NSMCE2: variants seen among roughly 807,000 people sequenced by gnomAD.
The protein encoded by NSMCE2 is NSE2 SUMO ligase component of SMC5/6 complex, also known as E3 SUMO-protein ligase NSE2.
NSMCE2 carries 24 observed loss-of-function variants against 23.8 expected under a neutral mutation model. The ratio of observed to expected loss-of-function variants is 1.01; its 90% confidence interval spans 0.73 to 1.42. NSMCE2 has a LOEUF of 1.42. NSMCE2 is among the 40% of genes most tolerant of loss of function. NSMCE2 has a pLI of 0.00. For missense variants in NSMCE2, 284 were observed against 296.5 expected (o/e 0.96, Z 0.31); for synonymous variants, 92 against 94.1 (o/e 0.98, Z 0.13).
chr8:125,157,161 AT>A, intron 4 of NSMCE2, among the ~76,000 whole-genome samples: 1 of 152,320 alleles, frequency 6.6e-6, no homozygotes, highest in Middle Eastern at 3.4e-3. Flanking sequence ...TGGCTATAAA[AT>A]TTGAGGACAG....
intron 3 of NSMCE2, among the ~76,000 whole-genome samples, chr8:125,107,437 C>A (rs1818519269): frequency 6.6e-6 from 1 of 151,992 alleles, no homozygotes; most frequent in Non-Finnish European, 1.5e-5. Flanking sequence ...CGTGATCCAC[C>A]CTCCTCGACC....
intron 5 of NSMCE2, among the ~76,000 whole-genome samples, chr8:125,300,922 C>T (rs1828538242): frequency 6.6e-6 from 1 of 152,202 alleles, no homozygotes; most frequent in Non-Finnish European, 1.5e-5. Context: ...GCTGAGCAGT[C>T]TTGAATCATC....
intron 5 of NSMCE2, among the ~76,000 whole-genome samples, chr8:125,229,922 C>T (rs1255820509): frequency 2.6e-5 from 4 of 151,976 alleles, no homozygotes; most frequent in Admixed American, 2.0e-4. Context: ...ACCATATAGT[C>T]TCAGACAGAA....
rs558575080 is a variant in NSMCE2 at position 125,202,981 on chromosome 8, T to A, written c.418+20725T>A. On this transcript the variant is annotated intron_variant, in intron 5 of 7. Coordinates refer to ENST00000287437, the MANE Select transcript of NSMCE2 (RefSeq NM_173685.4). ...CTTTTCTTGATAGGAAGACAGAAAC[T>A]GAAGTGTCAGGAATTGCTGTATTCA... Among the ~76,000 whole-genome samples the A allele has an allele frequency of 2.6e-4, 39 of 152,318 alleles. 1 individual carries two copies. Among genetic ancestry groups the A allele is most frequent in the Non-Finnish European group, 5.1e-4 (35 of 68,022 alleles).
At chr8:125,138,980 A>T (rs1162388536) in intron 3 of NSMCE2, among the ~76,000 whole-genome samples, 1 of 152,212 alleles carries the variant, frequency 6.6e-6, no homozygotes, top group Non-Finnish European at 1.5e-5. Context: ...TGCAGAAGTT[A>T]TGTGGTGTAA....
intron 4 of NSMCE2, among the ~76,000 whole-genome samples, chr8:125,152,872 A>G (rs575371870): frequency 1.3e-5 from 2 of 152,124 alleles, no homozygotes; most frequent in African/African-American, 4.8e-5. Context: ...AGCCTGGCCA[A>G]CATAGTGAAA....
At chr8:125,298,690 TTTTTTTG>T (rs1262113922) in intron 5 of NSMCE2, among the ~76,000 whole-genome samples, 2 of 73,180 alleles carry the variant, frequency 2.7e-5, no homozygotes, top group Non-Finnish European at 5.5e-5. Flanking sequence ...TCTGTGGGTT[TTTTTTTG>T]TTTTTTTTTT....
intron 3 of NSMCE2, among the ~76,000 whole-genome samples, chr8:125,128,659 G>A (rs1169434918): frequency 6.6e-6 from 1 of 152,162 alleles, no homozygotes; most frequent in Non-Finnish European, 1.5e-5. Context: ...TGCCTTTCTG[G>A]AGGCTCCAGG....
At chr8:125,242,634 A>G (rs754626113) in intron 5 of NSMCE2, among the ~76,000 whole-genome samples, 1 of 152,198 alleles carries the variant, frequency 6.6e-6, no homozygotes, top group Non-Finnish European at 1.5e-5. Flanking sequence ...GTGCTCACAA[A>G]TACCCTTCAG....
At chr8:125,187,766 T>C (rs1056749390) in intron 5 of NSMCE2, among the ~76,000 whole-genome samples, 2 of 152,170 alleles carry the variant, frequency 1.3e-5, no homozygotes, top group Non-Finnish European at 2.9e-5. Flanking sequence ...GGGCTTTGCT[T>C]TATGTTCAAA....
chr8:125,117,646 G>A (rs1451849629), intron 3 of NSMCE2, among the ~76,000 whole-genome samples: 1 of 152,062 alleles, frequency 6.6e-6, no homozygotes, highest in Non-Finnish European at 1.5e-5. Context: ...TCCCAAAGTA[G>A]CTGGGACCAG....
intron 5 of NSMCE2, among the ~76,000 whole-genome samples, chr8:125,337,723 C>T (rs201010628): frequency 6.6e-6 from 1 of 151,398 alleles, no homozygotes; most frequent in Non-Finnish European, 1.5e-5. Flanking sequence ...GGAGAAACCC[C>T]GTCTCTACTA....
intron 5 of NSMCE2, among the ~76,000 whole-genome samples, chr8:125,264,238 A>T (rs139606378): frequency 0.013 from 2,020 of 152,200 alleles, 38 homozygotes; most frequent in African/African-American, 0.046. Flanking sequence ...TTCTTTTTTA[A>T]TCTTAGCATT....
intron 3 of NSMCE2, among the ~76,000 whole-genome samples, chr8:125,123,212 A>T (rs1219823141): frequency 1.3e-5 from 2 of 152,214 alleles, no homozygotes; most frequent in South Asian, 4.1e-4. Flanking sequence ...CAACTTCTAT[A>T]TCATGGGTTA....
chr8:125,112,725 A>C (rs915904020), intron 3 of NSMCE2, among the ~76,000 whole-genome samples: 1 of 152,184 alleles, frequency 6.6e-6, no homozygotes, highest in African/African-American at 2.4e-5. Context: ...AATGATGGTT[A>C]CCAAGGGATT....
chr8:125,159,294 T>C (rs1821479448), intron 4 of NSMCE2, among the ~76,000 whole-genome samples: 1 of 152,230 alleles, frequency 6.6e-6, no homozygotes, highest in Admixed American at 6.5e-5. Flanking sequence ...CATACAGTCA[T>C]GAACCACATA....
At chr8:125,222,870 C>G (rs1230110362) in intron 5 of NSMCE2, among the ~76,000 whole-genome samples, 1 of 151,788 alleles carries the variant, frequency 6.6e-6, no homozygotes, top group African/African-American at 2.4e-5. Flanking sequence ...CAAGACCAGC[C>G]TAGGCAACAC....
intron 5 of NSMCE2, among the ~76,000 whole-genome samples, chr8:125,292,721 G>A (rs1396978376): frequency 6.6e-6 from 1 of 152,200 alleles, no homozygotes; most frequent in African/African-American, 2.4e-5. Flanking sequence ...AACCACATGT[G>A]ATTCCCTGGT....
intron 5 of NSMCE2, among the ~76,000 whole-genome samples, chr8:125,288,435 A>G (rs2131153088): frequency 6.6e-6 from 1 of 152,100 alleles, no homozygotes; most frequent in Non-Finnish European, 1.5e-5. Context: ...ATTCCCAGCA[A>G]TCACATTTCA....
Sources: allele counts gnomAD v4.1 joint callset (sites outside exome capture counted in the v4.1 genomes callset), GRCh38; gene constraint gnomAD v4.1.1; transcripts MANE v1.5; gene names NCBI Gene and HGNC (gene_info 2026-07-23, HGNC 2026-07-21).